Variants in SLC22A6 observed in about 807,000 individuals in gnomAD.
The protein encoded by SLC22A6 is PAH transporter.
Under a neutral mutation model 56.7 loss-of-function variants are expected in SLC22A6, and 45 were observed. That is an observed-to-expected ratio of 0.79 (90% confidence interval 0.63 to 1.02). The LOEUF is 1.02. Among genes scored for constraint, SLC22A6 ranks in the 50% least tolerant of loss-of-function variants. The probability of loss-of-function intolerance (pLI) is 0.00; values close to 1 mark genes in which losing one functional copy is unlikely to be tolerated. For missense variants in SLC22A6, 606 were observed against 713.8 expected (o/e 0.85, Z 1.72); for synonymous variants, 291 against 295.9 (o/e 0.98, Z 0.17).
rs72559735 is a variant in SLC22A6 at position 62,984,651 on chromosome 11, C to T, written c.40G>A (p.Gly14Ser). The change falls in exon 1 of 10, where the codon GGC becomes AGC. Residue 14 changes from glycine (G) to serine (S), a missense_variant. Transcript: ENST00000360421. ...NDLLQQVGGV[G>S]RFQQIQVTLV... Reference sequence around the variant, plus strand: ...GTGACCTGGATCTGCTGGAAGCGGCCGACACCCCCCACCTGCTGCAGGAGG... The same window carrying T: ...GTGACCTGGATCTGCTGGAAGCGGCTGACACCCCCCACCTGCTGCAGGAGG... 89 of 1,613,490 alleles carry T rather than the reference C, an allele frequency of 5.5e-5. No homozygotes were observed. The highest frequency in any genetic ancestry group is 7.0e-5 in the Non-Finnish European group (83 of 1,179,926).
Position 62,983,763 on chromosome 11 carries a change from G to A in SLC22A6, c.474-72C>T. 6.8e-7 allele frequency: 1 copy of A among 1,463,362 alleles called. No individual in the cohort carries two copies. The highest frequency in any genetic ancestry group is 9.3e-7 in the Non-Finnish European group (1 of 1,080,934). The allele number at this position is 1,463,362 out of a possible 1,614,324, so 90.6% of individuals were successfully genotyped here. On this transcript the variant is annotated intron_variant, in intron 2 of 9. Coordinates refer to ENST00000360421, the MANE Select transcript of SLC22A6 (RefSeq NM_153276.3). This position sits in a 1 kb window ranked among gnomAD's most constrained non-coding sequence, Gnocchi z 4.5. ...GGGTCAGGCTGAGCCAGGAGAGGAG[G>A]GCTCACCCTGGATGATGCCTGGGCT...
intron 7 of SLC22A6, 61 bp downstream of exon 7, chr11:62,979,673 A>G (rs3017671): frequency 1 from 1,593,476 of 1,595,172 alleles, 795,904 homozygotes; most frequent in East Asian, 1. Context: ...CTTCTGAGAT[A>G]TTGGGTTATG....
chr11:62,980,107 G>GT (rs2086236736), intron 6 of SLC22A6, among the ~76,000 whole-genome samples, 159 bp from the exon 7 acceptor site: 1 of 152,198 alleles, frequency 6.6e-6, no homozygotes, highest in Non-Finnish European at 1.5e-5. Context: ...AAACTGCAGA[G>GT]TTTAAGTATT....
In SLC22A6 at chr11:62,981,286, C is replaced by T. The variant is rs1399219233; in HGVS notation, c.895G>A (p.Glu299Lys). 3 of 1,609,196 alleles carry T rather than the reference C, an allele frequency of 1.9e-6. No homozygotes were observed. In the Admixed American group the frequency reaches 5.1e-5, roughly 27 times the overall value. The change falls in exon 5 of 10, where the codon GAA (glutamate) becomes AAA (lysine). Residue 299 changes from glutamate (E) to lysine (K), a missense_variant. Coordinates refer to ENST00000360421, the MANE Select transcript of SLC22A6 (RefSeq NM_153276.3). ...QRVARINGKR[E>K]EGAKLSMEVL... ...TCCATACTCAATTTGGCTCCTTCTT[C>T]CCGCTTCCCATTGATCCGGGCGACT... is the stretch of plus-strand genomic sequence containing the variant.
chr11:62,982,787 G>T (rs1034918592), intron 3 of SLC22A6, among the ~76,000 whole-genome samples: 13 of 152,284 alleles, frequency 8.5e-5, no homozygotes, highest in African/African-American at 3.1e-4. Context: ...TGTCTTGTCT[G>T]CACGATGCTG....
intron 4 of SLC22A6, among the ~76,000 whole-genome samples, chr11:62,981,630 C>T (rs534635851): frequency 2.6e-5 from 4 of 152,282 alleles, no homozygotes; most frequent in South Asian, 2.1e-4. Flanking sequence ...GGCTGGAGAA[C>T]GGAGTGGGGG....
intron 3 of SLC22A6, 82 bp from the exon 4 acceptor site, chr11:62,982,092 G>A: frequency 7.0e-7 from 1 of 1,420,548 alleles, no homozygotes; most frequent in Non-Finnish European, 9.6e-7. Context: ...CCAAACCTTG[G>A]CCTGTCCCAA....
At position 62,977,540 on chromosome 11, in the gene SLC22A6, A is replaced by AT. The variant is rs1185563024; in HGVS notation, c.1362-154dup. Among the ~76,000 whole-genome samples, 38 of 146,326 alleles carry AT rather than the reference A, an allele frequency of 2.6e-4. 1 individual carries two copies. Among genetic ancestry groups the AT allele is most frequent in the East Asian group, 6.0e-4 (3 of 5,042 alleles). ...ATTTGATTAGCAAACCAATTTGGCG[A>AT]TTTTTTTTTTTCTTGTAGAGATAGG... is the stretch of plus-strand genomic sequence containing the variant. On this transcript the variant is annotated intron_variant, in intron 8 of 9. Transcript: ENST00000360421.
chr11:62,977,639 C>T (rs2086205862), intron 8 of SLC22A6, among the ~76,000 whole-genome samples: 1 of 152,144 alleles, frequency 6.6e-6, no homozygotes, highest in Middle Eastern at 3.2e-3. Context: ...TGTTGGTGAT[C>T]TTTTGAAAAA....
At chr11:62,980,396 A>G (rs1444103138) in intron 6 of SLC22A6, among the ~76,000 whole-genome samples, 4 of 152,214 alleles carry the variant, frequency 2.6e-5, no homozygotes, top group Non-Finnish European at 5.9e-5. Context: ...GAAGCTCAAG[A>G]TTATTGGCTA....
Position 62,981,297 on chromosome 11 carries a change from T to C in SLC22A6, c.884A>G (p.Asn295Ser). ...LRALQRVARI[N>S]GKREEGAKLS... Reference sequence around the variant, plus strand: ...TTTGGCTCCTTCTTCCCGCTTCCCATTGATCCGGGCGACTCTCTGCAGGGC... The same window carrying C: ...TTTGGCTCCTTCTTCCCGCTTCCCACTGATCCGGGCGACTCTCTGCAGGGC... The change falls in exon 5 of 10, where the codon AAT becomes AGT. Residue 295 changes from asparagine (N) to serine (S), a missense_variant. Physicochemically the swap from Asn to Ser is conservative, Grantham distance 46 (BLOSUM62 1). Transcript: ENST00000360421. 1 of 1,608,550 alleles carries C rather than the reference T, an allele frequency of 6.2e-7. No individual in the cohort carries two copies. Among genetic ancestry groups the C allele is most frequent in the Non-Finnish European group, 8.5e-7 (1 of 1,177,700 alleles).
chr11:62,981,829 AG>A lies in SLC22A6; in HGVS notation c.797+12del. 1 of 1,601,158 alleles carries A rather than the reference AG, an allele frequency of 6.2e-7. No homozygotes were observed. Among genetic ancestry groups the A allele is most frequent in the Non-Finnish European group, 8.5e-7 (1 of 1,174,176 alleles). On this transcript the variant is annotated intron_variant, in intron 4 of 9. Coordinates refer to ENST00000360421, the MANE Select transcript of SLC22A6 (RefSeq NM_153276.3). Reference sequence around the variant, plus strand: ...TCCTGTGGCAACCACCTCCAACCCTAGGCCCCACGCACCAGGAGTAGATGAA... The same window carrying A: ...TCCTGTGGCAACCACCTCCAACCCTAGCCCCACGCACCAGGAGTAGATGAA...
At position 62,977,349 on chromosome 11, in the gene SLC22A6, A is replaced by G; in HGVS notation, c.1400T>C (p.Val467Ala). The change falls in exon 9 of 10, where the codon GTG (valine) becomes GCG (alanine). Residue 467 changes from valine (V) to alanine (A), a missense_variant. Coordinates refer to ENST00000360421, the MANE Select transcript of SLC22A6 (RefSeq NM_153276.3). ...GMGMGSTMAR[V>A]GSIVSPLVSM... Reference sequence around the variant, plus strand: ...CACCAGTGGGCTCACGATGCTGCCCACTCGGGCCATGGTGCTGCCCATTCC... The same window carrying G: ...CACCAGTGGGCTCACGATGCTGCCCGCTCGGGCCATGGTGCTGCCCATTCC... 1.2e-6 allele frequency: 2 copies of G among 1,612,324 alleles called. No individual in the cohort carries two copies. The highest frequency in any genetic ancestry group is 1.7e-6 in the Non-Finnish European group (2 of 1,179,842).
Position 62,981,303 on chromosome 11 carries a change from C to T in SLC22A6, c.878G>A (p.Arg293Gln), listed in dbSNP as rs377471841. 58 of 1,602,226 alleles carry T rather than the reference C, an allele frequency of 3.6e-5. No homozygotes were observed. Among genetic ancestry groups the T allele is most frequent in the East Asian group, 6.8e-5 (3 of 44,270 alleles). Reference sequence around the variant, plus strand: ...TCCTTCTTCCCGCTTCCCATTGATCCGGGCGACTCTCTGCAGGGCCCTCAG... The same window carrying T: ...TCCTTCTTCCCGCTTCCCATTGATCTGGGCGACTCTCTGCAGGGCCCTCAG... ...LTLRALQRVA[R>Q]INGKREEGAK... is the part of the protein sequence containing the mutation. The change falls in exon 5 of 10, where the codon CGG becomes CAG. Residue 293 changes from arginine to glutamine, a missense_variant. Coordinates refer to ENST00000360421, the MANE Select transcript of SLC22A6 (RefSeq NM_153276.3).
In SLC22A6 at chr11:62,984,700, C is replaced by A. The variant is rs768867204; in HGVS notation, c.-10G>T. 3.1e-6 allele frequency: 5 copies of A among 1,609,984 alleles called. No individual in the cohort carries two copies. In the East Asian group the frequency reaches 8.9e-5, roughly 29 times the overall value. On this transcript the variant is annotated 5_prime_UTR_variant, in exon 1 of 10. Coordinates refer to ENST00000360421, the MANE Select transcript of SLC22A6 (RefSeq NM_153276.3). Reference sequence around the variant, plus strand: ...GGTCATTAAAGGCCATTGGGCCAGGCCCAGCCCAGTGGCTGGGGGCTGAGG... The same window carrying A: ...GGTCATTAAAGGCCATTGGGCCAGGACCAGCCCAGTGGCTGGGGGCTGAGG...
In SLC22A6 at chr11:62,980,987, C is replaced by T. The variant is rs1230337762; in HGVS notation, c.1035G>A (p.Leu345=). The T allele has an allele frequency of 1.2e-6, 2 of 1,601,880 alleles. No individual in the cohort carries two copies. Among genetic ancestry groups the T allele is most frequent in the Admixed American group, 1.7e-5 (1 of 59,300 alleles). ...LRHLFLCLSM[L]WFATSFAYYG... is the part of the protein sequence containing the mutation. ...TCTGTCTGTCTTTCTGGGCCTACCACAGCATGGAGAGGCAGAGGAAGAGGT... is the reference window on the plus strand; with the variant it reads ...TCTGTCTGTCTTTCTGGGCCTACCATAGCATGGAGAGGCAGAGGAAGAGGT... The change falls in exon 6 of 10, where the codon CTG becomes CTA. Residue 345 remains leucine, a splice_region_variant and synonymous_variant. Transcript: ENST00000360421.
intron 8 of SLC22A6, among the ~76,000 whole-genome samples, chr11:62,979,019 A>G (rs2086222110): frequency 6.6e-6 from 1 of 152,156 alleles, no homozygotes. Context: ...CCATCTTAGG[A>G]CTCAAATAAG....
chr11:62,982,574 C>T (rs2086268189), intron 3 of SLC22A6, among the ~76,000 whole-genome samples: 1 of 152,194 alleles, frequency 6.6e-6, no homozygotes, highest in South Asian at 2.1e-4. Flanking sequence ...CAGGCTCTAG[C>T]CCAGTCCCGG....
In SLC22A6 at chr11:62,977,400, C is replaced by T. The variant is rs2086203154; in HGVS notation, c.1362-13G>A. On this transcript the variant is annotated splice_polypyrimidine_tract_variant and intron_variant, in intron 8 of 9. Coordinates refer to ENST00000360421, the MANE Select transcript of SLC22A6 (RefSeq NM_153276.3). ...CATGCCTGTCTGCCTGCAGGGCCCG[C>T]AGCAGATGGGTGTTGGTTAGAGTTC... 2 of 1,602,430 alleles carry T rather than the reference C, an allele frequency of 1.2e-6. No individual in the cohort carries two copies. Among genetic ancestry groups the T allele is most frequent in the Non-Finnish European group, 1.7e-6 (2 of 1,177,752 alleles).
Sources: allele counts gnomAD v4.1 joint callset (sites outside exome capture counted in the v4.1 genomes callset), GRCh38; gene constraint gnomAD v4.1.1; non-coding constraint Gnocchi (gnomAD v3.1); transcripts MANE v1.5; gene names NCBI Gene and HGNC (gene_info 2026-07-23, HGNC 2026-07-21).